CYTH3: variants seen among roughly 807,000 people sequenced by gnomAD.
CYTH3 encodes cytohesin 3.
Under a neutral mutation model 55.1 loss-of-function variants are expected in CYTH3, and 23 were observed. The observed-to-expected ratio is 0.42, with a 90% CI of 0.30 to 0.59. The LOEUF is 0.59. CYTH3 is among the 20% of genes least tolerant of loss of function. The probability of loss-of-function intolerance (pLI) is 0.20; values close to 1 mark genes in which losing one functional copy is unlikely to be tolerated. For synonymous variants in CYTH3, 249 were observed against 194.9 expected (o/e 1.28, Z -2.31); for missense variants, 413 against 524.8 (o/e 0.79, Z 2.08).
intron 4 of CYTH3, among the ~76,000 whole-genome samples, chr7:6,185,544 CA>C (rs1783620818): frequency 6.6e-6 from 1 of 151,706 alleles, no homozygotes; most frequent in African/African-American, 2.4e-5. Context: ...AAAAAAAATA[CA>C]AAAAATTAGC....
At chr7:6,202,463 T>TC (rs1380777913) in intron 1 of CYTH3, among the ~76,000 whole-genome samples, 1 of 150,384 alleles carries the variant, frequency 6.6e-6, no homozygotes, top group East Asian at 1.9e-4. Context: ...GCTAGTTTTT[T>TC]TTTTTTTTTT....
At chr7:6,196,458 T>G (rs1457164324) in intron 1 of CYTH3, among the ~76,000 whole-genome samples, 1 of 79,622 alleles carries the variant, frequency 1.3e-5, no homozygotes, top group Non-Finnish European at 1.9e-5. Flanking sequence ...CTTTTTTTCT[T>G]TTTTTTTTTT....
In CYTH3 at chr7:6,219,256, T is replaced by C. The variant is rs115339544; in HGVS notation, c.35-28725A>G. Reference sequence around the variant, plus strand: ...CTGTGTGAAAAGCAGAACGTGTAAGTGATGAACTTGGATATTTAATTGAGG... The same window carrying C: ...CTGTGTGAAAAGCAGAACGTGTAAGCGATGAACTTGGATATTTAATTGAGG... On this transcript the variant is annotated intron_variant, in intron 1 of 12. Transcript: ENST00000350796. Among the ~76,000 whole-genome samples, 958 of 152,258 alleles carry C rather than the reference T, an allele frequency of 6.3e-3. 13 individuals carry two copies. Among genetic ancestry groups the C allele is most frequent in the African/African-American group, 0.022 (896 of 41,558 alleles).
chr7:6,182,720 G>C (rs1783535174), intron 4 of CYTH3, among the ~76,000 whole-genome samples: 1 of 151,928 alleles, frequency 6.6e-6, no homozygotes, highest in African/African-American at 2.4e-5. Flanking sequence ...CACTATGTTA[G>C]GCTGGTTTTG....
chr7:6,193,988 CT>C (rs1320473451), intron 1 of CYTH3, among the ~76,000 whole-genome samples: 16 of 152,150 alleles, frequency 1.1e-4, no homozygotes, highest in African/African-American at 3.9e-4. Flanking sequence ...GGCTTCAGCT[CT>C]AAAGATAATG....
chr7:6,232,783 G>C (rs1655633833), intron 1 of CYTH3, among the ~76,000 whole-genome samples: 1 of 152,094 alleles, frequency 6.6e-6, no homozygotes, highest in African/African-American at 2.4e-5. Flanking sequence ...ACTTCCTGTA[G>C]GTTCTGTAAC....
chr7:6,243,809 T>A (rs1452078411), intron 1 of CYTH3, among the ~76,000 whole-genome samples: 2 of 152,176 alleles, frequency 1.3e-5, no homozygotes, highest in Admixed American at 1.3e-4. Flanking sequence ...AGTGTGAGGA[T>A]AATGGAGAAG....
chr7:6,230,310 C>G (rs535731006), intron 1 of CYTH3, among the ~76,000 whole-genome samples: 45 of 152,248 alleles, frequency 3.0e-4, no homozygotes, highest in African/African-American at 1.1e-3. Flanking sequence ...CAGCTGGAAA[C>G]TTACAAGGAG....
chr7:6,218,280 T>C (rs1784469838), intron 1 of CYTH3, among the ~76,000 whole-genome samples: 1 of 151,916 alleles, frequency 6.6e-6, no homozygotes, highest in African/African-American at 2.4e-5. Flanking sequence ...GCACAGGAGA[T>C]GTGACACAGA....
intron 1 of CYTH3, among the ~76,000 whole-genome samples, chr7:6,269,637 A>G (rs1005531728): frequency 1.3e-5 from 2 of 152,178 alleles, no homozygotes; most frequent in Non-Finnish European, 2.9e-5. Context: ...AAAGTCCCAT[A>G]GGAATTAAAA....
intron 1 of CYTH3, among the ~76,000 whole-genome samples, chr7:6,251,992 A>T (rs1440262620): frequency 6.6e-6 from 1 of 152,370 alleles, no homozygotes; most frequent in Middle Eastern, 3.4e-3. Context: ...ATTGATCATA[A>T]AAACCACTTT....
chr7:6,180,195 G>A (rs1783471072), intron 4 of CYTH3, among the ~76,000 whole-genome samples: 1 of 152,192 alleles, frequency 6.6e-6, no homozygotes, highest in African/African-American at 2.4e-5. Flanking sequence ...CCTGCATGGT[G>A]AAGGCCCCTG....
intron 1 of CYTH3, among the ~76,000 whole-genome samples, chr7:6,264,389 A>T (rs1388708030): frequency 1.3e-5 from 2 of 152,208 alleles, no homozygotes; most frequent in Non-Finnish European, 2.9e-5. Context: ...AAGCGGGTGG[A>T]TCATTTGCGG....
At chr7:6,268,788 C>T (rs936128205) in intron 1 of CYTH3, among the ~76,000 whole-genome samples, 1 of 152,080 alleles carries the variant, frequency 6.6e-6, no homozygotes, top group African/African-American at 2.4e-5. Flanking sequence ...CAGAGACATC[C>T]AGAGAAACCA....
chr7:6,254,139 G>A (rs1007171060), intron 1 of CYTH3, among the ~76,000 whole-genome samples: 7 of 151,712 alleles, frequency 4.6e-5, no homozygotes, highest in Non-Finnish European at 1.0e-4. Context: ...CTGAGAGATC[G>A]CACCACTGCA....
At chr7:6,203,887 T>G (rs868200698) in intron 1 of CYTH3, among the ~76,000 whole-genome samples, 2 of 152,220 alleles carry the variant, frequency 1.3e-5, no homozygotes, top group South Asian at 4.1e-4. Flanking sequence ...CCCGGCTAAT[T>G]TTTTTATTTT....
chr7:6,185,117 A>G (rs1783602795), intron 4 of CYTH3, among the ~76,000 whole-genome samples: 1 of 152,232 alleles, frequency 6.6e-6, no homozygotes, highest in South Asian at 2.1e-4. Flanking sequence ...GCTGTTACCC[A>G]AAATATCAAA....
chr7:6,165,521 G>T, intron 11 of CYTH3, 24 bp downstream of exon 11: 1 of 1,612,166 alleles, frequency 6.2e-7, no homozygotes, highest in African/African-American at 1.3e-5. Flanking sequence ...TGGCAGGAGA[G>T]AAGGTTCAGG....
At chr7:6,269,824 T>C (rs982982973) in intron 1 of CYTH3, among the ~76,000 whole-genome samples, 3 of 152,116 alleles carry the variant, frequency 2.0e-5, no homozygotes, top group African/African-American at 7.2e-5. Flanking sequence ...CTTATAAAAA[T>C]AGCAAGTAGG....
Sources: allele counts gnomAD v4.1 joint callset (sites outside exome capture counted in the v4.1 genomes callset), GRCh38; gene constraint gnomAD v4.1.1; transcripts MANE v1.5; gene names NCBI Gene and HGNC (gene_info 2026-07-23, HGNC 2026-07-21).